The following PPM1A variants were observed in gnomAD, a reference collection of about 807,000 sequenced individuals.
PPM1A encodes protein phosphatase, Mg2+/Mn2+ dependent 1A.
A neutral mutation model predicts 35.0 loss-of-function variants in PPM1A; 7 were observed. The observed-to-expected ratio is 0.20, with a 90% CI of 0.11 to 0.38. The LOEUF (loss-of-function observed/expected upper bound fraction) is 0.38. Ranked by LOEUF, PPM1A falls within the 10% of genes least tolerant of loss-of-function variation. PPM1A has a pLI of 1.00. For missense variants in PPM1A, 239 were observed against 467.8 expected, an observed-to-expected ratio of 0.51 and a Z score of 4.51; for synonymous variants, 153 against 167.3, an observed-to-expected ratio of 0.91 and a Z score of 0.66.
At position 60,282,718 on chromosome 14, in the gene PPM1A, A is replaced by G; in HGVS notation, c.15A>G (p.Leu5=). The change falls in exon 2 of 6, where the codon TTA becomes TTG. Residue 5 remains leucine (L), a synonymous_variant. Coordinates refer to ENST00000395076, the MANE Select transcript of PPM1A (RefSeq NM_021003.5). This position sits in a 1 kb window ranked among gnomAD's most constrained non-coding sequence, Gnocchi z 5.1. ...ATCAAGACATAATGGGAGCATTTTT[A>G]GACAAGCCAAAGATGGAAAAGCATA... MGAF[L]DKPKMEKHNA... 1 of 1,614,228 alleles carries G rather than the reference A, an allele frequency of 6.2e-7. No homozygotes were observed. Among genetic ancestry groups the G allele is most frequent in the East Asian group, 2.2e-5 (1 of 44,886 alleles).
chr14:60,251,917 G>A (rs901277497), intron 1 of PPM1A, among the ~76,000 whole-genome samples: 1 of 151,202 alleles, frequency 6.6e-6, no homozygotes, highest in Non-Finnish European at 1.5e-5. Context: ...CAGGACCCTT[G>A]GTAGTCTGAT....
Position 60,298,257 on chromosome 14 carries a change from G to A in PPM1A, c.*5775G>A, listed in dbSNP as rs551101755. 22 of 151,732 alleles carry A rather than the reference G, an allele frequency of 1.4e-4. No individual in the cohort carries two copies. The highest frequency in any genetic ancestry group is 5.1e-4 in the African/African-American group (21 of 41,502). 9.4% of individuals were successfully genotyped at this position (151,732 alleles called of 1,614,324 possible). Reference sequence around the variant, plus strand: ...TAGTGCAGATATACTATATTAACAAGTAATACATTTATTTACCTGTCAGAT... The same window carrying A: ...TAGTGCAGATATACTATATTAACAAATAATACATTTATTTACCTGTCAGAT... On this transcript the variant is annotated 3_prime_UTR_variant, in exon 6 of 6. Coordinates refer to ENST00000395076, the MANE Select transcript of PPM1A (RefSeq NM_021003.5).
intron 1 of PPM1A, among the ~76,000 whole-genome samples, chr14:60,279,612 C>T (rs937480350): frequency 2.6e-5 from 4 of 152,154 alleles, no homozygotes; most frequent in African/African-American, 9.7e-5. Context: ...TTGCCAGTTG[C>T]AATTCAGAGT....
At chr14:60,272,523 A>G (rs1885255725) in intron 1 of PPM1A, among the ~76,000 whole-genome samples, 2 of 152,060 alleles carry the variant, frequency 1.3e-5, no homozygotes, top group Admixed American at 6.6e-5. Flanking sequence ...CGTAGCCAAC[A>G]TGATGAATCC....
rs764009662 is a variant in PPM1A at position 60,297,851 on chromosome 14, A to G, written c.*5369A>G. 4 of 151,576 alleles carry G rather than the reference A, an allele frequency of 2.6e-5. No individual in the cohort carries two copies. The highest frequency in any genetic ancestry group is 5.9e-5 in the Non-Finnish European group (4 of 67,624). The allele number at this position is 151,576 out of a possible 1,614,324, so 9.4% of individuals were successfully genotyped here. On this transcript the variant is annotated 3_prime_UTR_variant, in exon 6 of 6. Transcript: ENST00000395076. ...CCAGGAAAATGCGTATATAACATAC[A>G]TATCTCCCTAAAGTTTACAATATTG... is the stretch of plus-strand genomic sequence containing the variant.
At chr14:60,275,065 C>A (rs1454490415) in intron 1 of PPM1A, among the ~76,000 whole-genome samples, 2 of 126,020 alleles carry the variant, frequency 1.6e-5, no homozygotes, top group African/African-American at 6.9e-5. Context: ...CTTTTCTCTT[C>A]TTCCTTTTTT....
At chr14:60,245,796 G>A, upstream of PPM1A, 4 of 1,486,760 alleles carry the variant, frequency 2.7e-6, no homozygotes, top group African/African-American at 2.8e-5. The surrounding 1 kb of genome is among the most constrained non-coding windows in gnomAD (Gnocchi z 4.2). Flanking sequence ...GCCAGGGTAG[G>A]GGGCACACCC....
At chr14:60,259,013 C>T (rs147813794) in intron 1 of PPM1A, among the ~76,000 whole-genome samples, 28 of 152,106 alleles carry the variant, frequency 1.8e-4, no homozygotes, top group African/African-American at 6.0e-4. Context: ...TTGGGCCATG[C>T]GATTTGAGGT....
At chr14:60,269,612 G>A (rs570634066) in intron 1 of PPM1A, among the ~76,000 whole-genome samples, 3 of 152,108 alleles carry the variant, frequency 2.0e-5, no homozygotes, top group South Asian at 2.1e-4. Context: ...GCAATGGTGC[G>A]ATCTAGGCTC....
intron 1 of PPM1A, among the ~76,000 whole-genome samples, chr14:60,252,129 A>G (rs1566566405): frequency 1.3e-5 from 2 of 152,202 alleles, no homozygotes; most frequent in African/African-American, 4.8e-5. Flanking sequence ...CATCTAGGCC[A>G]TTTGTTTACT....
chr14:60,268,212 A>G, intron 1 of PPM1A: 2 of 792,180 alleles, frequency 2.5e-6, no homozygotes, highest in Non-Finnish European at 3.1e-6. Flanking sequence ...GTGGTTCTTT[A>G]GTCTTTTTGC....
chr14:60,296,240 C>T lies in PPM1A; in HGVS notation c.*3758C>T, dbSNP rs1888055677. ...TAATATTTTAAAATAATTTCACTGC[C>T]CATCTTTACTGGACAAACTCATTTG... On this transcript the variant is annotated 3_prime_UTR_variant, in exon 6 of 6. Coordinates refer to ENST00000395076, the MANE Select transcript of PPM1A (RefSeq NM_021003.5). The surrounding 1 kb of genome is among the most constrained non-coding windows in gnomAD (Gnocchi z 4.4). The T allele has an allele frequency of 6.6e-6, 1 of 151,764 alleles. No homozygotes were observed. The allele number at this position is 151,764 out of a possible 1,614,324, so 9.4% of individuals were successfully genotyped here.
intron 1 of PPM1A, among the ~76,000 whole-genome samples, chr14:60,251,502 T>C (rs1054704167): frequency 7.2e-5 from 11 of 152,356 alleles, no homozygotes; most frequent in African/African-American, 2.6e-4. Context: ...CTCCAAAATA[T>C]CTGTGTCCAT....
intron 1 of PPM1A, among the ~76,000 whole-genome samples, chr14:60,264,222 C>A (rs1346429772): frequency 6.6e-6 from 1 of 152,086 alleles, no homozygotes; most frequent in Non-Finnish European, 1.5e-5. Flanking sequence ...AGGTTTCCTC[C>A]CATCAGCAAC....
chr14:60,281,491 A>G (rs1239522626), intron 1 of PPM1A, among the ~76,000 whole-genome samples: 1 of 152,130 alleles, frequency 6.6e-6, no homozygotes, highest in East Asian at 1.9e-4. Flanking sequence ...TCAATACCCT[A>G]GTTTCAGAGC....
chr14:60,260,240 C>G (rs1883593460), intron 1 of PPM1A, among the ~76,000 whole-genome samples: 1 of 151,996 alleles, frequency 6.6e-6, no homozygotes, highest in African/African-American at 2.4e-5. Context: ...GCACATTGAA[C>G]TCAATAACAG....
chr14:60,273,951 A>T lies in PPM1A; in HGVS notation c.-20-8733A>T, dbSNP rs73317817. Among the ~76,000 whole-genome samples the T allele has an allele frequency of 0.013, 1,943 of 152,308 alleles. 48 individuals carry two copies. Among genetic ancestry groups the T allele is most frequent in the African/African-American group, 0.045 (1,852 of 41,564 alleles). On this transcript the variant is annotated intron_variant, in intron 1 of 5. Transcript: ENST00000395076. This position sits in a 1 kb window ranked among gnomAD's most constrained non-coding sequence, Gnocchi z 4.3. ...AAGCAGTTGGGACTACAAGTATGCA[A>T]CACCGCACCCAGTGAATGTTCTTGG... is the stretch of plus-strand genomic sequence containing the variant.
chr14:60,267,950 T>G (rs1884588226), intron 1 of PPM1A, among the ~76,000 whole-genome samples: 1 of 152,178 alleles, frequency 6.6e-6, no homozygotes, highest in African/African-American at 2.4e-5. Context: ...TTTAAATGTG[T>G]GTCCCCTAAG....
At chr14:60,267,825 T>C (rs1566582086) in intron 1 of PPM1A, among the ~76,000 whole-genome samples, 3 of 152,120 alleles carry the variant, frequency 2.0e-5, no homozygotes, top group Non-Finnish European at 2.9e-5. Flanking sequence ...TCCCTGTGTA[T>C]GTGCATATAT....
Sources: gnomAD v4.1 joint callset for allele counts (sites outside exome capture counted in the v4.1 genomes callset) on GRCh38, gnomAD v4.1.1 for gene constraint, Gnocchi (gnomAD v3.1) non-coding constraint, MANE v1.5 for transcripts, NCBI Gene and HGNC (gene_info 2026-07-23, HGNC 2026-07-21) for gene names.